The following CCDC171 variants were observed in gnomAD, a reference collection of about 807,000 sequenced individuals.
The protein encoded by CCDC171 is coiled-coil domain containing 171, also known as coiled-coil domain-containing protein 171.
A neutral mutation model predicts 168.2 loss-of-function variants in CCDC171; 177 were observed. The ratio of observed to expected loss-of-function variants is 1.05; its 90% CI spans 0.93 to 1.19. The LOEUF is 1.19. Ranked by LOEUF, CCDC171 falls within the 50% of genes most tolerant of loss-of-function variation. The probability of loss-of-function intolerance (pLI) is 0.00; values close to 1 mark genes in which losing one functional copy is unlikely to be tolerated. For synonymous variants in CCDC171, 687 were observed against 540.8 expected, an observed-to-expected ratio of 1.27 and a Z score of -3.75; for missense variants, 1,991 against 1,539.0, an observed-to-expected ratio of 1.29 and a Z score of -4.91.
At chr9:15,650,122 C>A (rs1016322791) in intron 7 of CCDC171, among the ~76,000 whole-genome samples, 2 of 152,122 alleles carry the variant, frequency 1.3e-5, no homozygotes, top group Admixed American at 6.5e-5. Context: ...AGCTGGAAAC[C>A]ATCATTCTGA....
chr9:15,817,846 G>A, intron 21 of CCDC171, among the ~76,000 whole-genome samples: 1 of 118,190 alleles, frequency 8.5e-6, no homozygotes, highest in Non-Finnish European at 1.9e-5. Flanking sequence ...GAAGAGAGTA[G>A]TGGTTCTCCC....
chr9:16,041,819 C>A (rs780845719), upstream of CCDC171, among the ~76,000 whole-genome samples: 1 of 152,072 alleles, frequency 6.6e-6, no homozygotes, highest in Non-Finnish European at 1.5e-5. Flanking sequence ...AGTTGAATGA[C>A]CAACCTTCAT....
intron 6 of CCDC171, among the ~76,000 whole-genome samples, chr9:15,605,308 C>G (rs2131726981): frequency 6.6e-6 from 1 of 152,088 alleles, no homozygotes; most frequent in African/African-American, 2.4e-5. Context: ...TTCTTTTCTT[C>G]TGGAAAACTA....
At chr9:15,996,354 T>G (rs1832373006) in intron 3 of CCDC171, among the ~76,000 whole-genome samples, 1 of 151,580 alleles carries the variant, frequency 6.6e-6, no homozygotes, top group Non-Finnish European at 1.5e-5. Context: ...TGGGCAGGCT[T>G]GCATGGGGGA....
chr9:15,754,515 G>A (rs2055972236), intron 18 of CCDC171, among the ~76,000 whole-genome samples: 1 of 152,010 alleles, frequency 6.6e-6, no homozygotes, highest in Admixed American at 6.6e-5. Context: ...ACATAAATGA[G>A]CACACATGCG....
intron 18 of CCDC171, among the ~76,000 whole-genome samples, chr9:15,756,940 T>G (rs2056157159): frequency 6.6e-6 from 1 of 152,214 alleles, no homozygotes; most frequent in Non-Finnish European, 1.5e-5. Flanking sequence ...TTGTGAGGCC[T>G]CCTCAGCCAT....
intron 18 of CCDC171, among the ~76,000 whole-genome samples, chr9:15,747,627 C>T (rs538202293): frequency 6.6e-6 from 1 of 152,296 alleles, no homozygotes; most frequent in African/African-American, 2.4e-5. Flanking sequence ...GACTGGACGT[C>T]CAGCAAACTC....
At chr9:15,606,749 T>C (rs1399067054) in intron 6 of CCDC171, among the ~76,000 whole-genome samples, 1 of 152,192 alleles carries the variant, frequency 6.6e-6, no homozygotes, top group South Asian at 2.1e-4. Context: ...AGAAAGCAAG[T>C]TTATTTTCTA....
intron 8 of CCDC171, among the ~76,000 whole-genome samples, chr9:16,036,847 AAAG>A (rs61529296): frequency 0.4 from 61,218 of 151,824 alleles, 13,891 homozygotes; most frequent in East Asian, 0.73. Context: ...CAGCCATAAA[AAAG>A]AATGAAATCC....
At chr9:15,602,921 G>C (rs547838214) in intron 6 of CCDC171, among the ~76,000 whole-genome samples, 4 of 152,098 alleles carry the variant, frequency 2.6e-5, no homozygotes, top group Middle Eastern at 3.4e-3. Flanking sequence ...GCCTCCCAAA[G>C]TGCTGAGATT....
In CCDC171 at chr9:15,973,825, C is replaced by T. The variant is rs1248314421; in HGVS notation, c.*1989C>T. On this transcript the variant is annotated 3_prime_UTR_variant, in exon 26 of 26. Coordinates refer to ENST00000380701, the MANE Select transcript of CCDC171 (RefSeq NM_173550.4). ...GTGATATCACTGAGCTTACAATTCT[C>T]ACTAGAGAAGAACAAGGTTACTATA... The T allele has an allele frequency of 6.6e-6, 1 of 152,062 alleles. No homozygotes were observed. The highest frequency in any genetic ancestry group is 1.5e-5 in the Non-Finnish European group (1 of 67,994). 9.4% of individuals were successfully genotyped at this position (152,062 alleles called of 1,614,324 possible).
chr9:15,567,082 A>G (rs976037818), intron 2 of CCDC171, among the ~76,000 whole-genome samples: 2 of 144,620 alleles, frequency 1.4e-5, no homozygotes, highest in African/African-American at 2.6e-5. Flanking sequence ...GCTGGAGTGC[A>G]GTGGCGTGAT....
At chr9:16,031,141 T>A (rs992940532) in intron 6 of CCDC171, among the ~76,000 whole-genome samples, 1 of 152,114 alleles carries the variant, frequency 6.6e-6, no homozygotes, top group African/African-American at 2.4e-5. Context: ...GGGCTTAGGT[T>A]TAAGGTGAAT....
chr9:15,834,321 G>T (rs1332538394), intron 21 of CCDC171, among the ~76,000 whole-genome samples: 1 of 152,108 alleles, frequency 6.6e-6, no homozygotes, highest in Non-Finnish European at 1.5e-5. Context: ...CATATTTCTA[G>T]CATGATTAAG....
chr9:15,833,070 C>G (rs934621765), intron 21 of CCDC171, among the ~76,000 whole-genome samples: 1 of 151,256 alleles, frequency 6.6e-6, no homozygotes, highest in Admixed American at 6.6e-5. Context: ...TCACTGCAAC[C>G]TCCACCTCTC....
chr9:15,623,145 A>G (rs2044642307), intron 6 of CCDC171, 122 bp from the exon 7 acceptor site: 5 of 593,716 alleles, frequency 8.4e-6, no homozygotes, highest in South Asian at 5.3e-5. Context: ...TTTTGCCTAT[A>G]TAAATTAACC....
At chr9:15,696,399 A>C (rs997419598) in intron 11 of CCDC171, among the ~76,000 whole-genome samples, 1 of 152,184 alleles carries the variant, frequency 6.6e-6, no homozygotes, top group South Asian at 2.1e-4. Context: ...ATGTGTAACT[A>C]TCTTTGTTTT....
chr9:15,893,659 G>A lies in CCDC171; in HGVS notation c.3600+18996G>A, dbSNP rs148699468. ...CTTCTCAAAAGGAGACATACATGTG[G>A]CCAACAAACATATGAAAAAAATCTC... On this transcript the variant is annotated intron_variant, in intron 24 of 25. Transcript: ENST00000380701. Among the ~76,000 whole-genome samples, 12 of 152,210 alleles carry A rather than the reference G, an allele frequency of 7.9e-5. No individual in the cohort carries two copies. The East Asian group carries it at 2.3e-3, about 29-fold the overall frequency.
intron 21 of CCDC171, among the ~76,000 whole-genome samples, chr9:15,816,708 T>C (rs377422021): frequency 8.5e-6 from 1 of 118,294 alleles, no homozygotes; most frequent in East Asian, 2.1e-4. Context: ...GGATCAGATG[T>C]GAATGTCAGA....
Sources: allele counts gnomAD v4.1 joint callset (sites outside exome capture counted in the v4.1 genomes callset), GRCh38; gene constraint gnomAD v4.1.1; transcripts MANE v1.5; gene names NCBI Gene and HGNC (gene_info 2026-07-23, HGNC 2026-07-21).